TYW1: variants seen among roughly 807,000 people sequenced by gnomAD.
The protein encoded by TYW1 is S-adenosyl-L-methionine-dependent tRNA 4-demethylwyosine synthase TYW1.
Under a neutral mutation model 96.2 loss-of-function variants are expected in TYW1, and 46 were observed. That is an observed-to-expected ratio of 0.48 (90% CI 0.38 to 0.61). The LOEUF is 0.61. Among genes scored for constraint, TYW1 ranks in the 20% least tolerant of loss-of-function variants. TYW1 has a pLI of 0.00. For missense variants in TYW1, 684 were observed against 909.6 expected, an observed-to-expected ratio of 0.75 and a Z score of 3.19; for synonymous variants, 274 against 323.0, an observed-to-expected ratio of 0.85 and a Z score of 1.63.
intron 1 of TYW1, 82 bp downstream of exon 1, chr7:66,997,064 GTCCTCGGTCCCTT>G: frequency 1.3e-6 from 2 of 1,598,068 alleles, no homozygotes; most frequent in African/African-American, 2.7e-5. Context: ...GCGGAGTGGC[GTCCTCGGTCCCTT>G]TCCTTCGGAG....
intron 7 of TYW1, among the ~76,000 whole-genome samples, 175 bp downstream of exon 7, chr7:67,025,197 T>C (rs3864350): frequency 0.089 from 13,537 of 151,974 alleles, 805 homozygotes; most frequent in East Asian, 0.3. Flanking sequence ...AGCATCTCCC[T>C]TCTCAGGCCT....
intron 13 of TYW1, among the ~76,000 whole-genome samples, chr7:67,174,432 G>A (rs531499962): frequency 2.0e-5 from 3 of 150,848 alleles, no homozygotes; most frequent in Admixed American, 6.6e-5. Flanking sequence ...GCTGAAATTT[G>A]CCAAGAGCTG....
intron 11 of TYW1, among the ~76,000 whole-genome samples, chr7:67,098,094 G>A (rs1157103944): frequency 6.6e-6 from 1 of 152,042 alleles, no homozygotes; most frequent in East Asian, 1.9e-4. Context: ...AGAACGATTA[G>A]GTCTCTTCTT....
At chr7:67,214,736 TTTC>T (rs1231993822) in intron 15 of TYW1, among the ~76,000 whole-genome samples, 3 of 149,180 alleles carry the variant, frequency 2.0e-5, no homozygotes, top group Non-Finnish European at 4.5e-5. Flanking sequence ...TCAAATTGAT[TTTC>T]TTCAACTATT....
intron 9 of TYW1, among the ~76,000 whole-genome samples, chr7:67,058,007 T>C (rs1795578021): frequency 6.6e-6 from 1 of 152,212 alleles, no homozygotes; most frequent in African/African-American, 2.4e-5. Context: ...CTTCGTCGGC[T>C]CACTGCAAGC....
chr7:67,048,955 A>G (rs1247492043), intron 7 of TYW1, among the ~76,000 whole-genome samples: 1 of 152,258 alleles, frequency 6.6e-6, no homozygotes. Flanking sequence ...TGGTGTTTGC[A>G]GTGAGCCAAG....
At position 67,055,779 on chromosome 7, in the gene TYW1, T is replaced by C. The variant is rs1795495324; in HGVS notation, c.1103-56T>C. ...ATTTTTGCTAAATTTTAAAGTCACT[T>C]TTTGATATGACGCTTTGGATCAGTC... On this transcript the variant is annotated intron_variant, in intron 8 of 15. Transcript: ENST00000359626. The C allele has an allele frequency of 2.0e-6, 3 of 1,473,224 alleles. No individual in the cohort carries two copies. The Admixed American group carries it at 6.7e-5, about 33-fold the overall frequency. The allele number at this position is 1,473,224 out of a possible 1,614,324, so 91.3% of individuals were successfully genotyped here. A position where few individuals can be genotyped will look rare whatever the true frequency, so the allele number is the denominator to read the frequency against.
At chr7:67,000,938 G>A (rs1159795165) in intron 3 of TYW1, among the ~76,000 whole-genome samples, 2 of 151,804 alleles carry the variant, frequency 1.3e-5, no homozygotes, top group African/African-American at 2.4e-5. Context: ...TTTTACAGTC[G>A]AAGGTCAGTT....
At chr7:67,036,986 A>G (rs536043957) in intron 7 of TYW1, among the ~76,000 whole-genome samples, 12 of 152,326 alleles carry the variant, frequency 7.9e-5, no homozygotes, top group African/African-American at 2.9e-4. Flanking sequence ...GGGGCAGACC[A>G]GCAGCTGGTG....
At chr7:67,065,136 GC>G (rs1795818731) in intron 9 of TYW1, among the ~76,000 whole-genome samples, 1 of 152,198 alleles carries the variant, frequency 6.6e-6, no homozygotes, top group African/African-American at 2.4e-5. Flanking sequence ...TACCTTGGTT[GC>G]TTTTCCATCT....
At chr7:67,013,023 G>A (rs1793868342) in intron 4 of TYW1, among the ~76,000 whole-genome samples, 1 of 151,874 alleles carries the variant, frequency 6.6e-6, no homozygotes. Flanking sequence ...TTAGATAATG[G>A]TGCCAAGTGT....
At chr7:67,050,678 G>C (rs2129261942) in intron 8 of TYW1, among the ~76,000 whole-genome samples, 1 of 152,094 alleles carries the variant, frequency 6.6e-6, no homozygotes, top group East Asian at 1.9e-4. Flanking sequence ...TAATATCTAT[G>C]TCTATATTTT....
intron 10 of TYW1, among the ~76,000 whole-genome samples, chr7:67,081,627 G>A (rs1265312670): frequency 6.6e-6 from 1 of 151,300 alleles, no homozygotes; most frequent in Non-Finnish European, 1.5e-5. Context: ...ATTCCTGTAG[G>A]CTTTTTTTCC....
At chr7:67,001,251 CA>C (rs1428543058) in intron 3 of TYW1, among the ~76,000 whole-genome samples, 1 of 152,078 alleles carries the variant, frequency 6.6e-6, no homozygotes, top group African/African-American at 2.4e-5. Flanking sequence ...CAACATTACA[CA>C]AAAGTTATTG....
intron 9 of TYW1, among the ~76,000 whole-genome samples, chr7:67,066,023 A>ACACACCCCTATACACGTGTAAAGGCTACT: frequency 7.3e-6 from 1 of 137,314 alleles, no homozygotes; most frequent in Non-Finnish European, 1.6e-5. Context: ...ACACACACAC[A>ACACACCCCTATACACGTGTAAAGGCTACT]CACACACACC....
intron 13 of TYW1, among the ~76,000 whole-genome samples, chr7:67,168,061 A>AT (rs1178974037): frequency 6.6e-6 from 1 of 150,850 alleles, no homozygotes. Context: ...CCTACTGTTG[A>AT]TTTTTTATAA....
intron 13 of TYW1, among the ~76,000 whole-genome samples, chr7:67,139,619 C>T (rs536203231): frequency 1.9e-3 from 284 of 152,124 alleles, no homozygotes; most frequent in African/African-American, 5.2e-3. Context: ...TCAAGGTTCC[C>T]ACATCCCTCG....
chr7:67,011,266 G>T (rs764893200), intron 4 of TYW1, among the ~76,000 whole-genome samples: 12 of 152,118 alleles, frequency 7.9e-5, no homozygotes, highest in Non-Finnish European at 1.6e-4. Flanking sequence ...TTGAACTCCT[G>T]ACATCAGGTG....
At chr7:67,150,642 A>C (rs1395313151) in intron 13 of TYW1, among the ~76,000 whole-genome samples, 2 of 152,252 alleles carry the variant, frequency 1.3e-5, no homozygotes, top group Non-Finnish European at 2.9e-5. Flanking sequence ...ACCTTTAATT[A>C]GTAATGAGTA....
Sources: allele counts gnomAD v4.1 joint callset (sites outside exome capture counted in the v4.1 genomes callset), GRCh38; gene constraint gnomAD v4.1.1; transcripts MANE v1.5; gene names NCBI Gene and HGNC (gene_info 2026-07-23, HGNC 2026-07-21).